Variants in PODNL1 observed in about 807,000 individuals in gnomAD.
PODNL1 encodes podocan-like protein 1.
In PODNL1, 50 loss-of-function variants were observed where a neutral mutation model predicts 45.1. The ratio of observed to expected loss-of-function variants is 1.11; its 90% CI spans 0.88 to 1.40. The LOEUF is 1.40. Ranked by LOEUF, PODNL1 falls within the 40% of genes most tolerant of loss-of-function variation. The pLI is 0.00. For missense variants in PODNL1, 788 were observed against 793.3 expected (o/e 0.99, Z 0.08); for synonymous variants, 406 against 372.5 (o/e 1.09, Z -1.04).
intron 1 of PODNL1, chr19:13,952,548 G>T: frequency 1.6e-6 from 2 of 1,265,006 alleles, no homozygotes; most frequent in Non-Finnish European, 2.0e-6. Context: ...GGAACAGCGG[G>T]GCTGGGAGCG....
At chr19:13,952,651 C>G in intron 1 of PODNL1, 1 of 1,291,218 alleles carries the variant, frequency 7.7e-7, no homozygotes, top group Non-Finnish European at 9.8e-7. Context: ...CAAGGTGAGG[C>G]CTGGAGCCGG....
At chr19:13,938,096 T>A (rs1972502973) in intron 1 of PODNL1, 83 bp downstream of exon 1, 1 of 1,486,742 alleles carries the variant, frequency 6.7e-7, no homozygotes, top group Non-Finnish European at 9.0e-7. Context: ...AGGGTCTTGG[T>A]GGGGAGGCAG....
Position 13,934,284 on chromosome 19 carries a change from C to A in PODNL1, c.621G>T (p.Leu207=). The A allele has an allele frequency of 6.5e-7, 1 of 1,531,552 alleles. No homozygotes were observed. The highest frequency in any genetic ancestry group is 8.8e-7 in the Non-Finnish European group (1 of 1,141,046). 94.9% of individuals were successfully genotyped at this position (1,531,552 alleles called of 1,614,324 possible). ...NNQLSYLPPS[L]PPSLERLHLQ... ...GGTGGAGCCGCTCGAGTGAGGGCGG[C>A]AGGCTGGGCGGCAGGTAGCTGAGCT... The change falls in exon 6 of 10, where the codon CTG becomes CTT. Residue 207 remains leucine, a synonymous_variant. Transcript: ENST00000588872.
At position 13,931,568 on chromosome 19, in the gene PODNL1, G is replaced by T; in HGVS notation, c.*169C>A. ...CAGGCCGGCGTGGTCTGTGAGCCTG[G>T]AGTATGCCAGCTGTGTGCCTCTGTG... is the stretch of plus-strand genomic sequence containing the variant. On this transcript the variant is annotated 3_prime_UTR_variant, in exon 10 of 10. Transcript: ENST00000588872. 1.4e-6 allele frequency: 1 copy of T among 692,574 alleles called. No homozygotes were observed. Among genetic ancestry groups the T allele is most frequent in the Non-Finnish European group, 2.0e-6 (1 of 496,100 alleles). The allele number at this position is 692,574 out of a possible 1,614,324, so 42.9% of individuals were successfully genotyped here. A position where few individuals can be genotyped will look rare whatever the true frequency, so the allele number is the denominator to read the frequency against.
intron 1 of PODNL1, among the ~76,000 whole-genome samples, chr19:13,945,278 A>C (rs145852354): frequency 5.3e-5 from 8 of 152,098 alleles, no homozygotes; most frequent in African/African-American, 1.4e-4. Flanking sequence ...CAGGAGCCTG[A>C]GGCAGGAGGA....
chr19:13,931,960 G>C lies in PODNL1; in HGVS notation c.1574+4C>G, dbSNP rs1971972390. ...CTCCACCCCTCCGGTCACCCTCGGG[G>C]CACCTGAGGAAGAGGGCACGCAGGC... On this transcript the variant is annotated splice_donor_region_variant and intron_variant, in intron 9 of 9. Transcript: ENST00000588872. 8.1e-7 allele frequency: 1 copy of C among 1,232,308 alleles called. No homozygotes were observed. Among genetic ancestry groups the C allele is most frequent in the African/African-American group, 1.5e-5 (1 of 64,534 alleles). The allele number at this position is 1,232,308 out of a possible 1,614,324, so 76.3% of individuals were successfully genotyped here.
At chr19:13,943,900 C>T (rs1168648238) in intron 1 of PODNL1, among the ~76,000 whole-genome samples, 1 of 152,136 alleles carries the variant, frequency 6.6e-6, no homozygotes, top group Non-Finnish European at 1.5e-5. Flanking sequence ...ACATTCACGG[C>T]ATCGGGGAGA....
At chr19:13,952,674 G>A (rs1232431147) in intron 1 of PODNL1, 1 of 1,288,948 alleles carries the variant, frequency 7.8e-7, no homozygotes, top group East Asian at 3.2e-5. Flanking sequence ...TGGGGAGCGC[G>A]CCGGAGGGTG....
At position 13,953,017 on chromosome 19, in the gene PODNL1, G is replaced by GC. The variant is rs1973148547; in HGVS notation, c.18+101dup. 2.3e-6 allele frequency: 3 copies of GC among 1,319,260 alleles called. No individual in the cohort carries two copies. The South Asian group carries it at 3.8e-5, about 17-fold the overall frequency. The allele number at this position is 1,319,260 out of a possible 1,614,324, so 81.7% of individuals were successfully genotyped here. The stretch of plus-strand genomic sequence containing the variant: ...GGTTGCTCCATAATGGAACCTTCCC[G>GC]CCCCCTTTGCAGAGCCCCTGCCGCT... On this transcript the variant is annotated intron_variant, in intron 1 of 7. Transcript: ENST00000538371.
At chr19:13,947,310 G>A (rs1214002874) in intron 1 of PODNL1, among the ~76,000 whole-genome samples, 1 of 150,958 alleles carries the variant, frequency 6.6e-6, no homozygotes, top group African/African-American at 2.4e-5. Flanking sequence ...GCGAAACCCC[G>A]TCTCTACTGA....
upstream of PODNL1, among the ~76,000 whole-genome samples, chr19:13,939,159 G>T (rs893288958): frequency 4.6e-5 from 7 of 152,280 alleles, no homozygotes; most frequent in South Asian, 8.3e-4. Flanking sequence ...GGGTGCTGGG[G>T]TTTATACCTG....
Position 13,935,044 on chromosome 19 carries a change from ATG to A in PODNL1, c.495-636_495-635del, listed in dbSNP as rs1445700828. ...TGGTTGGAAGTGTGTGCAGGTGTGT[ATG>A]TGAGTCTGTGTGTGTGCTTGTGTGT... On this transcript the variant is annotated intron_variant, in intron 5 of 9. Coordinates refer to ENST00000588872, the MANE Select transcript of PODNL1 (RefSeq NM_001370095.3). Among the ~76,000 whole-genome samples, 4 of 150,022 alleles carry A rather than the reference ATG, an allele frequency of 2.7e-5. No individual in the cohort carries two copies. In the East Asian group the frequency reaches 8.0e-4, roughly 30 times the overall value.
chr19:13,950,235 A>G (rs2145469882), intron 1 of PODNL1, among the ~76,000 whole-genome samples: 1 of 151,688 alleles, frequency 6.6e-6, no homozygotes, highest in South Asian at 2.1e-4. Context: ...TGGCACCATC[A>G]TAGCTCCCTG....
At chr19:13,934,037 G>A in intron 6 of PODNL1, 44 bp from the exon 7 acceptor site, 2 of 1,524,180 alleles carry the variant, frequency 1.3e-6, no homozygotes, top group Non-Finnish European at 8.9e-7. Flanking sequence ...TGGGATGAGG[G>A]CAGCGGGAAG....
chr19:13,938,297 C>A lies in PODNL1; in HGVS notation c.-116G>T. On this transcript the variant is annotated 5_prime_UTR_variant, in exon 1 of 10. Coordinates refer to ENST00000588872, the MANE Select transcript of PODNL1 (RefSeq NM_001370095.3). ...GCCACCACCGCCCCCCATCTCCAGACCCATGCCACCCCCCACAACAGCCTG... is the reference window on the plus strand; with the variant it reads ...GCCACCACCGCCCCCCATCTCCAGAACCATGCCACCCCCCACAACAGCCTG... The A allele has an allele frequency of 6.8e-7, 1 of 1,470,072 alleles. No individual in the cohort carries two copies. The highest frequency in any genetic ancestry group is 9.0e-7 in the Non-Finnish European group (1 of 1,106,592). 91.1% of individuals were successfully genotyped at this position (1,470,072 alleles called of 1,614,324 possible).
upstream of PODNL1, among the ~76,000 whole-genome samples, chr19:13,942,062 G>A (rs546001708): frequency 4.6e-5 from 7 of 152,290 alleles, no homozygotes; most frequent in African/African-American, 1.4e-4. Context: ...TAGGGAGACA[G>A]GACTACTGTA....
rs1972114212 is a variant in PODNL1 at position 13,933,520 on chromosome 19, G to A, written c.768-65C>T. 3.4e-6 allele frequency: 5 copies of A among 1,456,186 alleles called. No homozygotes were observed. Among genetic ancestry groups the A allele is most frequent in the Admixed American group, 2.2e-5 (1 of 45,362 alleles). The allele number at this position is 1,456,186 out of a possible 1,614,324, so 90.2% of individuals were successfully genotyped here. ...AGTGGGGTGCCTGACAGATTTTGGCGGGGAGGCTGGGGAGTGGTCCTGAGA... is the reference window on the plus strand; with the variant it reads ...AGTGGGGTGCCTGACAGATTTTGGCAGGGAGGCTGGGGAGTGGTCCTGAGA... On this transcript the variant is annotated intron_variant, in intron 7 of 9. Transcript: ENST00000588872. This position sits in a 1 kb window ranked among gnomAD's most constrained non-coding sequence, Gnocchi z 5.2.
At chr19:13,950,477 G>C (rs1382641736) in intron 1 of PODNL1, among the ~76,000 whole-genome samples, 1 of 152,134 alleles carries the variant, frequency 6.6e-6, no homozygotes, top group Non-Finnish European at 1.5e-5. Context: ...GCCTGGTCAT[G>C]TATTTTGAGA....
At position 13,933,719 on chromosome 19, in the gene PODNL1, G is replaced by A. The variant is rs1241076975; in HGVS notation, c.767+159C>T. 6.6e-6 allele frequency among the ~76,000 whole-genome samples: 1 copy of A among 152,162 alleles called. No homozygotes were observed. Among genetic ancestry groups the A allele is most frequent in the East Asian group, 1.9e-4 (1 of 5,196 alleles). On this transcript the variant is annotated intron_variant, in intron 7 of 9. Transcript: ENST00000588872. The surrounding 1 kb of genome is among the most constrained non-coding windows in gnomAD (Gnocchi z 5.2). Reference sequence around the variant, plus strand: ...TTACGATGTCAGTGCAGGGCTGTGGGGAACAGGGACACCTACCCAGTGCTC... The same window carrying A: ...TTACGATGTCAGTGCAGGGCTGTGGAGAACAGGGACACCTACCCAGTGCTC...
Sources: allele counts gnomAD v4.1 joint callset (sites outside exome capture counted in the v4.1 genomes callset), GRCh38; gene constraint gnomAD v4.1.1; non-coding constraint Gnocchi (gnomAD v3.1); transcripts MANE v1.5; gene names NCBI Gene and HGNC (gene_info 2026-07-23, HGNC 2026-07-21).